Variants in BTAF1 observed in about 807,000 individuals in gnomAD.
BTAF1 encodes B-TFIID TATA-box binding protein associated factor 1, also known as TATA-binding protein-associated factor 172.
BTAF1 carries 38 observed loss-of-function variants against 227.1 expected under a neutral mutation model. The observed-to-expected ratio is 0.17, with a 90% CI of 0.13 to 0.22. BTAF1 has a LOEUF of 0.22. Among genes scored for constraint, BTAF1 ranks in the 10% least tolerant of loss-of-function variants. BTAF1 has a pLI of 1.00. For missense variants in BTAF1, 1,598 were observed against 2,204.0 expected (o/e 0.73, Z 5.51); for synonymous variants, 742 against 751.9 (o/e 0.99, Z 0.21).
At chr10:91,957,377 A>G in intron 8 of BTAF1, 84 bp downstream of exon 8, 1 of 1,121,322 alleles carries the variant, frequency 8.9e-7, no homozygotes, top group South Asian at 1.5e-5. Context: ...ATACTTTGTC[A>G]GAGTCCCTAT....
intron 36 of BTAF1, 67 bp downstream of exon 36, chr10:92,026,818 G>A: frequency 6.6e-7 from 1 of 1,507,562 alleles, no homozygotes. Flanking sequence ...AGAAAGATAG[G>A]AAACCTTGGT....
At chr10:91,964,929 C>T (rs1184907977) in intron 13 of BTAF1, among the ~76,000 whole-genome samples, 6 of 152,134 alleles carry the variant, frequency 3.9e-5, no homozygotes, top group Non-Finnish European at 8.8e-5. Flanking sequence ...GAAAATTACT[C>T]TTCTTGTCCT....
At chr10:91,961,521 T>A (rs573354911) in intron 11 of BTAF1, among the ~76,000 whole-genome samples, 1 of 151,858 alleles carries the variant, frequency 6.6e-6, no homozygotes, top group South Asian at 2.1e-4. Flanking sequence ...ACCTGAACTC[T>A]CTGTCCAACT....
At chr10:91,928,766 C>T (rs1157980114) in intron 1 of BTAF1, among the ~76,000 whole-genome samples, 3 of 132,824 alleles carry the variant, frequency 2.3e-5, no homozygotes, top group African/African-American at 9.3e-5. Context: ...TCCATCCCCC[C>T]CCCCCCCGCC....
chr10:91,967,819 G>A (rs1284429720), intron 14 of BTAF1, among the ~76,000 whole-genome samples: 1 of 152,038 alleles, frequency 6.6e-6, no homozygotes, highest in African/African-American at 2.4e-5. Flanking sequence ...TTCATTTTAT[G>A]TAGACCCTTT....
chr10:91,977,525 A>AT (rs1847782020), intron 14 of BTAF1, among the ~76,000 whole-genome samples: 1 of 152,216 alleles, frequency 6.6e-6, no homozygotes, highest in Non-Finnish European at 1.5e-5. Flanking sequence ...TTTGGCAGTT[A>AT]TGAATAAAGC....
At chr10:92,019,061 AT>A in intron 34 of BTAF1, 126 bp downstream of exon 34, 1 of 997,350 alleles carries the variant, frequency 1.0e-6, no homozygotes, top group Non-Finnish European at 1.4e-6. Context: ...TAAATTTTTG[AT>A]ACAGCTTTTT....
chr10:91,978,436 A>G (rs1187372618), intron 14 of BTAF1, among the ~76,000 whole-genome samples: 4 of 152,124 alleles, frequency 2.6e-5, no homozygotes, highest in African/African-American at 9.7e-5. Context: ...AGTAACACCA[A>G]ATTATTTGCT....
At chr10:91,950,485 T>A (rs1422491104) in intron 4 of BTAF1, among the ~76,000 whole-genome samples, 3 of 152,118 alleles carry the variant, frequency 2.0e-5, no homozygotes, top group Non-Finnish European at 2.9e-5. Context: ...AAATATCAAA[T>A]TTTTTTCAGT....
Position 91,980,510 on chromosome 10 carries a change from G to A in BTAF1, c.1707G>A (p.Gln569=), listed in dbSNP as rs368177452. ...CTGATATGCTCCGACACATTTTTCA[G>A]TTCTGTGTTTTGGAAAGCAGCCAGG... ...ILPDMLRHIF[Q]FCVLESSQEI... is the part of the protein sequence containing the mutation. Residue 569 remains glutamine (Q), a synonymous_variant, in exon 15 of 38, where the codon CAG becomes CAA. Transcript: ENST00000265990. 6.8e-6 allele frequency: 11 copies of A among 1,613,226 alleles called. No homozygotes were observed. The East Asian group carries it at 8.9e-5, about 13-fold the overall frequency.
chr10:92,010,616 G>A (rs1414794607), intron 28 of BTAF1, among the ~76,000 whole-genome samples: 1 of 152,162 alleles, frequency 6.6e-6, no homozygotes, highest in Non-Finnish European at 1.5e-5. Flanking sequence ...TCTCTCTCAT[G>A]AATATATCAG....
chr10:92,023,605 A>G (rs1851290454), intron 34 of BTAF1, among the ~76,000 whole-genome samples: 1 of 152,160 alleles, frequency 6.6e-6, no homozygotes, highest in Non-Finnish European at 1.5e-5. Flanking sequence ...AATATCTCGA[A>G]CCTAGGAGTT....
At chr10:91,932,984 A>G (rs1000829262) in intron 1 of BTAF1, among the ~76,000 whole-genome samples, 1 of 152,090 alleles carries the variant, frequency 6.6e-6, no homozygotes, top group African/African-American at 2.4e-5. Context: ...GGGCCATTAT[A>G]TCTGCACAGC....
At chr10:91,936,727 T>C (rs1033417113) in intron 2 of BTAF1, among the ~76,000 whole-genome samples, 36 of 152,186 alleles carry the variant, frequency 2.4e-4, no homozygotes, top group Admixed American at 7.2e-4. Context: ...CGTGTGTAAG[T>C]TGGTGACAGA....
At chr10:91,996,274 G>T in intron 23 of BTAF1, 95 bp from the exon 24 acceptor site, 1 of 1,020,138 alleles carries the variant, frequency 9.8e-7, no homozygotes, top group South Asian at 1.5e-5. Context: ...GAGTCACTTA[G>T]AATATTGAAA....
chr10:91,990,251 A>G (rs1848646632), intron 20 of BTAF1, among the ~76,000 whole-genome samples: 1 of 152,220 alleles, frequency 6.6e-6, no homozygotes, highest in Non-Finnish European at 1.5e-5. Flanking sequence ...TTGGTGCAGC[A>G]TAGATCTTGA....
At chr10:92,002,163 CTG>C (rs1488691577) in intron 25 of BTAF1, among the ~76,000 whole-genome samples, 3 of 152,154 alleles carry the variant, frequency 2.0e-5, no homozygotes, top group South Asian at 2.1e-4. Context: ...AGGTTAGACA[CTG>C]TGGAAGAAAA....
Position 91,966,619 on chromosome 10 carries a change from T to C in BTAF1, c.1530-18T>C. ...ACAACTTAGAATAAGTAAGATTAAT[T>C]TGTGTCTTCTTTATTAGTATTCAGC... is the stretch of plus-strand genomic sequence containing the variant. On this transcript the variant is annotated intron_variant, in intron 13 of 37. Coordinates refer to ENST00000265990, the MANE Select transcript of BTAF1 (RefSeq NM_003972.3). 2 of 1,611,466 alleles carry C rather than the reference T, an allele frequency of 1.2e-6. 1 individual carries two copies. Among genetic ancestry groups the C allele is most frequent in the Middle Eastern group, 3.3e-4 (2 of 6,056 alleles).
At position 91,943,724 on chromosome 10, in the gene BTAF1, A is replaced by G. The variant is rs183413519; in HGVS notation, c.400+1156A>G. Among the ~76,000 whole-genome samples the G allele has an allele frequency of 2.3e-3, 344 of 152,356 alleles. 1 individual carries two copies. The highest frequency in any genetic ancestry group is 8.1e-3 in the African/African-American group (337 of 41,592). On this transcript the variant is annotated intron_variant, in intron 4 of 37. Transcript: ENST00000265990. ...AACTCTTCAAAATCTTTTCATTTAT[A>G]TCACTAAATAGTAAGTTTACTAACT...
Sources: gnomAD v4.1 joint callset for allele counts (sites outside exome capture counted in the v4.1 genomes callset) on GRCh38, gnomAD v4.1.1 for gene constraint, MANE v1.5 for transcripts, NCBI Gene and HGNC (gene_info 2026-07-23, HGNC 2026-07-21) for gene names.